Variants in ARSB observed in about 807,000 individuals in gnomAD.
The protein encoded by ARSB is N-acetylgalactosamine-4-sulfatase.
In ARSB, 41 loss-of-function variants were observed where a neutral mutation model predicts 50.9. That is an observed-to-expected ratio of 0.81 (90% CI 0.63 to 1.04). The LOEUF is 1.04. Ranked by LOEUF, ARSB falls within the 50% of genes least tolerant of loss-of-function variation. The pLI, the probability that ARSB is intolerant of heterozygous loss-of-function variation, is 0.00. For synonymous variants in ARSB, 269 were observed against 284.8 expected (o/e 0.94, Z 0.56); for missense variants, 672 against 693.3 (o/e 0.97, Z 0.35).
At chr5:78,862,036 T>C (rs1291921145) in intron 5 of ARSB, among the ~76,000 whole-genome samples, 3 of 151,910 alleles carry the variant, frequency 2.0e-5, no homozygotes, top group Non-Finnish European at 4.4e-5. Flanking sequence ...GAGAATAAAA[T>C]ACCTAGGAAT....
chr5:78,924,342 G>A (rs574845095), intron 4 of ARSB, among the ~76,000 whole-genome samples: 4 of 152,262 alleles, frequency 2.6e-5, no homozygotes, highest in Admixed American at 6.5e-5. Flanking sequence ...TGAGCCTCAG[G>A]TCTGTACAAT....
At chr5:78,854,831 G>A (rs1197652876) in intron 5 of ARSB, among the ~76,000 whole-genome samples, 1 of 152,114 alleles carries the variant, frequency 6.6e-6, no homozygotes, top group African/African-American at 2.4e-5. Flanking sequence ...ATTTCTGAAG[G>A]GTAGATTTGC....
At chr5:78,808,375 T>A (rs1743662573) in intron 6 of ARSB, among the ~76,000 whole-genome samples, 1 of 152,170 alleles carries the variant, frequency 6.6e-6, no homozygotes, top group Admixed American at 6.5e-5. Context: ...TAGTAGGAAT[T>A]TAATGTGCAA....
chr5:78,881,791 G>T (rs1019145341), intron 5 of ARSB, among the ~76,000 whole-genome samples: 4 of 152,196 alleles, frequency 2.6e-5, no homozygotes, highest in African/African-American at 9.7e-5. Context: ...TCATGTAGGG[G>T]CCACCCTTGG....
intron 6 of ARSB, among the ~76,000 whole-genome samples, chr5:78,806,141 G>A (rs1011118050): frequency 1.4e-4 from 21 of 152,186 alleles, no homozygotes; most frequent in African/African-American, 4.8e-4. Flanking sequence ...TATAAAATCT[G>A]TTCTGGATTA....
intron 5 of ARSB, among the ~76,000 whole-genome samples, chr5:78,878,356 A>G (rs1747585028): frequency 6.6e-6 from 1 of 152,230 alleles, no homozygotes; most frequent in South Asian, 2.1e-4. Context: ...ATTTAAATAT[A>G]CTCGAAAAAG....
chr5:78,872,001 C>T (rs36189850), intron 5 of ARSB, among the ~76,000 whole-genome samples: 6 of 151,412 alleles, frequency 4.0e-5, no homozygotes, highest in Non-Finnish European at 5.9e-5. Context: ...AAAAAGCGGG[C>T]GAAGGACATG....
Position 78,900,296 on chromosome 5 carries a change from C to T in ARSB, c.899-14469G>A, listed in dbSNP as rs757361323. ...TTTCCAGGGTTGGGGATGGTAGTCTCACCTTCTGACCTTTGTTGCAGCCTG... is the reference window on the plus strand; with the variant it reads ...TTTCCAGGGTTGGGGATGGTAGTCTTACCTTCTGACCTTTGTTGCAGCCTG... On this transcript the variant is annotated intron_variant, in intron 4 of 7. Transcript: ENST00000264914. Among the ~76,000 whole-genome samples, 6 of 152,286 alleles carry T rather than the reference C, an allele frequency of 3.9e-5. No individual in the cohort carries two copies. The South Asian group carries it at 1.0e-3, about 26-fold the overall frequency.
chr5:78,809,470 C>T (rs1000202571), intron 6 of ARSB, among the ~76,000 whole-genome samples: 11 of 152,220 alleles, frequency 7.2e-5, no homozygotes, highest in Non-Finnish European at 1.2e-4. Flanking sequence ...AGGCCAGCCC[C>T]GTGGAGAGCT....
chr5:78,804,132 G>A (rs1743485628), intron 6 of ARSB, among the ~76,000 whole-genome samples: 1 of 151,506 alleles, frequency 6.6e-6, no homozygotes, highest in South Asian at 2.1e-4. Flanking sequence ...TGAGACTCTT[G>A]CAAAATGAAA....
At chr5:78,913,652 A>C (rs946509598) in intron 4 of ARSB, among the ~76,000 whole-genome samples, 8 of 152,152 alleles carry the variant, frequency 5.3e-5, no homozygotes, top group African/African-American at 1.9e-4. Flanking sequence ...TCAGTGTTAC[A>C]TATTTGTGTT....
chr5:78,798,364 G>A (rs977874520), intron 6 of ARSB, among the ~76,000 whole-genome samples: 2 of 149,176 alleles, frequency 1.3e-5, no homozygotes, highest in Admixed American at 1.3e-4. Flanking sequence ...GTCAACAAAT[G>A]GTTATAAATA....
intron 5 of ARSB, among the ~76,000 whole-genome samples, chr5:78,866,966 G>A (rs113892220): frequency 0.01 from 1,563 of 152,344 alleles, 16 homozygotes; most frequent in Non-Finnish European, 0.017. Context: ...TGCGCACACC[G>A]TGCGCGAGCC....
At chr5:78,833,632 A>G (rs925318738) in intron 6 of ARSB, among the ~76,000 whole-genome samples, 8 of 152,230 alleles carry the variant, frequency 5.3e-5, no homozygotes, top group Non-Finnish European at 1.2e-4. Context: ...AAACAACCAG[A>G]GGGAACATCC....
intron 5 of ARSB, among the ~76,000 whole-genome samples, chr5:78,870,219 G>A (rs1290569243): frequency 2.1e-5 from 3 of 144,942 alleles, no homozygotes; most frequent in African/African-American, 7.7e-5. Flanking sequence ...ATTCACAGCC[G>A]AATTCTACCA....
chr5:78,939,879 C>A lies in ARSB; in HGVS notation c.898+15416G>T, dbSNP rs1750819812. 3.3e-5 allele frequency among the ~76,000 whole-genome samples: 5 copies of A among 152,322 alleles called. 1 individual carries two copies. In the South Asian group the frequency reaches 1.0e-3, roughly 32 times the overall value. On this transcript the variant is annotated intron_variant, in intron 4 of 7. Transcript: ENST00000264914. ...CACACTGACTTCCACAATGGTTGAA[C>A]TAGTTTATAGTCCCACCAACAGTGT...
intron 5 of ARSB, among the ~76,000 whole-genome samples, chr5:78,841,500 T>G (rs1745212897): frequency 6.6e-6 from 1 of 152,208 alleles, no homozygotes; most frequent in Admixed American, 6.5e-5. Context: ...TTGTGTTAAA[T>G]TTTTAGGGCA....
At chr5:78,859,519 G>C (rs192070709) in intron 5 of ARSB, among the ~76,000 whole-genome samples, 1 of 152,032 alleles carries the variant, frequency 6.6e-6, no homozygotes, top group African/African-American at 2.4e-5. Flanking sequence ...ATGAAAACTG[G>C]CAACAGCGTT....
At chr5:78,983,923 G>A (rs777960696) in intron 1 of ARSB, among the ~76,000 whole-genome samples, 1 of 152,180 alleles carries the variant, frequency 6.6e-6, no homozygotes, top group Non-Finnish European at 1.5e-5. Context: ...AACAGCATAT[G>A]TACTCTGTGA....
Sources: gnomAD v4.1 joint callset for allele counts (sites outside exome capture counted in the v4.1 genomes callset) on GRCh38, gnomAD v4.1.1 for gene constraint, MANE v1.5 for transcripts, NCBI Gene and HGNC (gene_info 2026-07-23, HGNC 2026-07-21) for gene names.